The following PTPRA variants were observed in gnomAD, a reference collection of about 807,000 sequenced individuals.
PTPRA encodes receptor-type tyrosine-protein phosphatase alpha.
PTPRA carries 25 observed loss-of-function variants against 104.8 expected under a neutral mutation model. That is an observed-to-expected ratio of 0.24 (90% CI 0.17 to 0.33). The LOEUF is 0.33. Among genes scored for constraint, PTPRA ranks in the 10% least tolerant of loss-of-function variants. The probability of loss-of-function intolerance (pLI) is 1.00; values close to 1 mark genes in which losing one functional copy is unlikely to be tolerated. For synonymous variants in PTPRA, 323 were observed against 368.9 expected, an observed-to-expected ratio of 0.88 and a Z score of 1.43; for missense variants, 765 against 1,015.3, an observed-to-expected ratio of 0.75 and a Z score of 3.35.
Position 3,022,613 on chromosome 20 carries a change from G to T in PTPRA, c.1329-76G>T. On this transcript the variant is annotated intron_variant, in intron 15 of 23. Coordinates refer to ENST00000399903, the MANE Select transcript of PTPRA (RefSeq NM_001385305.1). This position sits in a 1 kb window ranked among gnomAD's most constrained non-coding sequence, Gnocchi z 4.6. Reference sequence around the variant, plus strand: ...TTTAGACCCTGAAGGAAGAGCCCCTGCCTGTGTTGCCCCTCCCTATCTGCT... The same window carrying T: ...TTTAGACCCTGAAGGAAGAGCCCCTTCCTGTGTTGCCCCTCCCTATCTGCT... 6.3e-7 allele frequency: 1 copy of T among 1,591,850 alleles called. No individual in the cohort carries two copies.
Position 3,022,322 on chromosome 20 carries a change from G to A in PTPRA, c.1328+102G>A. 1 of 1,411,880 alleles carries A rather than the reference G, an allele frequency of 7.1e-7. No homozygotes were observed. Among genetic ancestry groups the A allele is most frequent in the Admixed American group, 2.1e-5 (1 of 48,272 alleles). The allele number at this position is 1,411,880 out of a possible 1,614,324, so 87.5% of individuals were successfully genotyped here. On this transcript the variant is annotated intron_variant, in intron 15 of 23. Transcript: ENST00000399903. This position sits in a 1 kb window ranked among gnomAD's most constrained non-coding sequence, Gnocchi z 4.6. ...CCCTGGCTGAGGAGGCTGGCACAGA[G>A]TAGATGACCTACTGGGGCACCAGCG...
chr20:3,026,747 A>G lies in PTPRA; in HGVS notation c.1675A>G (p.Met559Val). The change falls in exon 18 of 24, where the codon ATG (methionine) becomes GTG (valine). Residue 559 changes from methionine (M) to valine (V), a missense_variant. Physicochemically the swap from Met to Val is conservative, Grantham distance 21. This residue lies in a region of PTPRA where 192 missense variants were observed against 227.0 expected (regional missense o/e 0.85). Coordinates refer to ENST00000399903, the MANE Select transcript of PTPRA (RefSeq NM_001385305.1). ...GCGGACTGGAAACCTTCCAGCCAAC[A>G]TGAAGAAGAACCGTGTTTTACAGAT... ...KMRTGNLPANMKKNRVLQIIP... is the reference protein window; with the variant it reads ...KMRTGNLPANVKKNRVLQIIP... 6.2e-7 allele frequency: 1 copy of G among 1,613,108 alleles called. No individual in the cohort carries two copies. The highest frequency in any genetic ancestry group is 8.5e-7 in the Non-Finnish European group (1 of 1,179,098).
rs1600294189 is a variant in PTPRA, at chr20:3,035,468, C to T, written c.1921-117C>T. ...CTGCAAGTTTTCAATACCTTGGGGA[C>T]GAAGCGTATCAGCGTAAGAGGTGGC... On this transcript the variant is annotated intron_variant, in intron 20 of 23. Transcript: ENST00000399903. The surrounding 1 kb of genome is among the most constrained non-coding windows in gnomAD (Gnocchi z 5.8). 1.2e-5 allele frequency: 14 copies of T among 1,209,374 alleles called. No individual in the cohort carries two copies. The highest frequency in any genetic ancestry group is 1.5e-5 in the South Asian group (1 of 67,814). 74.9% of individuals were successfully genotyped at this position (1,209,374 alleles called of 1,614,324 possible). A position where few individuals can be genotyped will look rare whatever the true frequency, so the allele number is the denominator to read the frequency against.
At chr20:3,030,376 T>C (rs1013820563) in intron 20 of PTPRA, among the ~76,000 whole-genome samples, 1 of 152,228 alleles carries the variant, frequency 6.6e-6, no homozygotes, top group African/African-American at 2.4e-5. Context: ...ACAGTAGTGC[T>C]TGCCCTCAAA....
At position 3,022,964 on chromosome 20, in the gene PTPRA, C is replaced by T; in HGVS notation, c.1464+140C>T. ...TTGTGGGGGAAAGAAAGATAGATCA[C>T]ACTGTTACCGTGTCTATGTAGAAAA... is the stretch of plus-strand genomic sequence containing the variant. On this transcript the variant is annotated intron_variant, in intron 16 of 23. Coordinates refer to ENST00000399903, the MANE Select transcript of PTPRA (RefSeq NM_001385305.1). This position sits in a 1 kb window ranked among gnomAD's most constrained non-coding sequence, Gnocchi z 4.6. 7.3e-7 allele frequency: 1 copy of T among 1,370,752 alleles called. No individual in the cohort carries two copies. Among genetic ancestry groups the T allele is most frequent in the South Asian group, 1.4e-5 (1 of 70,738 alleles). 84.9% of individuals were successfully genotyped at this position (1,370,752 alleles called of 1,614,324 possible). A position where few individuals can be genotyped will look rare whatever the true frequency, so the allele number is the denominator to read the frequency against.
At chr20:2,908,394 C>T (rs1600095238) in intron 1 of PTPRA, among the ~76,000 whole-genome samples, 1 of 151,946 alleles carries the variant, frequency 6.6e-6, no homozygotes, top group Non-Finnish European at 1.5e-5. Flanking sequence ...ATCAAAAATA[C>T]GTTATTTGAG....
chr20:2,992,844 G>T (rs980964829), intron 9 of PTPRA, among the ~76,000 whole-genome samples: 29 of 152,236 alleles, frequency 1.9e-4, no homozygotes, highest in Admixed American at 1.7e-3. Flanking sequence ...TTTAATCCTC[G>T]CACTTTGGGA....
the PTPRA span, chr20:2,866,275 G>C: frequency 1.2e-6 from 2 of 1,614,114 alleles, no homozygotes; most frequent in South Asian, 2.2e-5. Context: ...TGCTTCCCGC[G>C]TGGGTCCCGA....
intron 5 of PTPRA, among the ~76,000 whole-genome samples, chr20:2,970,285 T>G (rs1456470860): frequency 6.6e-6 from 1 of 152,182 alleles, no homozygotes; most frequent in Non-Finnish European, 1.5e-5. Flanking sequence ...ATTTATAAAT[T>G]TATGGATATT....
At position 3,028,186 on chromosome 20, in the gene PTPRA, G is replaced by C. The variant is rs555323991; in HGVS notation, c.1920+345G>C. ...AGCCTTTGCACAGTGCCCCAGGCGG[G>C]GGGGGCACCCTCTCCTTCCCAGTGC... is the stretch of plus-strand genomic sequence containing the variant. On this transcript the variant is annotated intron_variant, in intron 20 of 23. Coordinates refer to ENST00000399903, the MANE Select transcript of PTPRA (RefSeq NM_001385305.1). 1.1e-4 allele frequency among the ~76,000 whole-genome samples: 15 copies of C among 141,152 alleles called. No individual in the cohort carries two copies. In the South Asian group the frequency reaches 2.4e-3, roughly 23 times the overall value. The allele number at this position is 141,152 out of a possible 152,430, so 92.6% of individuals were successfully genotyped here.
chr20:2,983,661 G>A (rs1233765733), intron 6 of PTPRA, among the ~76,000 whole-genome samples: 3 of 151,574 alleles, frequency 2.0e-5, no homozygotes, highest in South Asian at 2.1e-4. Flanking sequence ...TAGAAGATAA[G>A]TGTGAGGAAG....
intron 3 of PTPRA, among the ~76,000 whole-genome samples, chr20:2,962,880 A>C (rs2061807189): frequency 6.6e-6 from 1 of 151,632 alleles, no homozygotes; most frequent in Non-Finnish European, 1.5e-5. Flanking sequence ...TTCCCCCCCT[A>C]CCCTTGAGAT....
intron 1 of PTPRA, among the ~76,000 whole-genome samples, chr20:2,897,906 C>CTTT (rs34328077): frequency 3.4e-3 from 286 of 83,634 alleles, no homozygotes; most frequent in African/African-American, 4.1e-3. Flanking sequence ...CCTCATCATT[C>CTTT]TTTTTTTTTT....
Position 2,947,998 on chromosome 20 carries a change from G to A in PTPRA, c.-33G>A. ...TTTTTCTAGGACACATGTTCAAAGA[G>A]CATAATTAACTTTTTAAAAGAAGCT... On this transcript the variant is annotated 5_prime_UTR_variant, in exon 3 of 24. Coordinates refer to ENST00000399903, the MANE Select transcript of PTPRA (RefSeq NM_001385305.1). The A allele has an allele frequency of 9.1e-7, 1 of 1,094,074 alleles. No individual in the cohort carries two copies. Among genetic ancestry groups the A allele is most frequent in the Non-Finnish European group, 1.2e-6 (1 of 814,510 alleles). 67.8% of individuals were successfully genotyped at this position (1,094,074 alleles called of 1,614,324 possible).
At chr20:2,985,546 G>A (rs1456553980) in intron 6 of PTPRA, among the ~76,000 whole-genome samples, 2 of 152,126 alleles carry the variant, frequency 1.3e-5, no homozygotes, top group African/African-American at 2.4e-5. Context: ...AGTGGAGGCG[G>A]ATGAGTCAGT....
In PTPRA at chr20:2,950,839, TG is replaced by T. The variant is rs1338823463; in HGVS notation, c.-7+2816del. Among the ~76,000 whole-genome samples the T allele has an allele frequency of 6.6e-6, 1 of 152,166 alleles. No individual in the cohort carries two copies. The highest frequency in any genetic ancestry group is 2.4e-5 in the African/African-American group (1 of 41,458). On this transcript the variant is annotated intron_variant, in intron 3 of 23. Coordinates refer to ENST00000399903, the MANE Select transcript of PTPRA (RefSeq NM_001385305.1). The surrounding 1 kb of genome is among the most constrained non-coding windows in gnomAD (Gnocchi z 4.0). ...AACAATAACCTGTACACATTTAAAG[TG>T]TAAAATTTATTACATTTTGATCCAT...
chr20:2,988,899 T>C (rs1395822726), intron 9 of PTPRA, among the ~76,000 whole-genome samples: 4 of 152,204 alleles, frequency 2.6e-5, no homozygotes, highest in Non-Finnish European at 4.4e-5. Flanking sequence ...CATGAAGGAC[T>C]GGTGCATATT....
intron 9 of PTPRA, among the ~76,000 whole-genome samples, chr20:2,992,853 G>A (rs2148190173): frequency 6.6e-6 from 1 of 152,300 alleles, no homozygotes; most frequent in East Asian, 1.9e-4. Flanking sequence ...CGCACTTTGG[G>A]AGATGAGGCA....
chr20:2,970,016 A>G (rs1386513244), intron 5 of PTPRA, among the ~76,000 whole-genome samples: 3 of 147,544 alleles, frequency 2.0e-5, no homozygotes, highest in Non-Finnish European at 4.4e-5. Flanking sequence ...AAAAGCATAT[A>G]TATTCATTTT....
Sources: allele counts gnomAD v4.1 joint callset (sites outside exome capture counted in the v4.1 genomes callset), GRCh38; gene constraint gnomAD v4.1.1; regional missense constraint gnomAD v4.1.1; non-coding constraint Gnocchi (gnomAD v3.1); transcripts MANE v1.5; gene names NCBI Gene and HGNC (gene_info 2026-07-23, HGNC 2026-07-21).